Variants in RBFOX1 observed in about 807,000 individuals in gnomAD.
The protein encoded by RBFOX1 is RNA binding fox-1 homolog 1.
RBFOX1 carries 8 observed loss-of-function variants against 57.7 expected under a neutral mutation model. The ratio of observed to expected loss-of-function variants is 0.14; its 90% CI spans 0.08 to 0.25. The LOEUF (loss-of-function observed/expected upper bound fraction) is 0.25. Among genes scored for constraint, RBFOX1 ranks in the 10% least tolerant of loss-of-function variants. The pLI is 1.00. For synonymous variants in RBFOX1, 326 were observed against 222.4 expected, an observed-to-expected ratio of 1.47 and a Z score of -4.15; for missense variants, 611 against 548.5, an observed-to-expected ratio of 1.11 and a Z score of -1.14.
intron 3 of RBFOX1, among the ~76,000 whole-genome samples, chr16:6,926,897 A>C (rs1327259143): frequency 1.3e-5 from 2 of 152,124 alleles, no homozygotes; most frequent in African/African-American, 4.8e-5. Flanking sequence ...TTGTCCTAGC[A>C]GGTACTCCCT....
intron 1 of RBFOX1, among the ~76,000 whole-genome samples, chr16:5,286,511 A>G (rs1270332077): frequency 1.3e-5 from 2 of 152,156 alleles, no homozygotes; most frequent in East Asian, 3.9e-4. Context: ...TTTCTAGATA[A>G]AAGTATTTTT....
chr16:7,633,399 T>C (rs2061289956), intron 11 of RBFOX1, among the ~76,000 whole-genome samples: 1 of 152,230 alleles, frequency 6.6e-6, no homozygotes, highest in African/African-American at 2.4e-5. Flanking sequence ...TACCTGCACA[T>C]TATATGCCAT....
intron 1 of RBFOX1, among the ~76,000 whole-genome samples, chr16:6,133,747 C>T (rs1285380215): frequency 1.3e-5 from 2 of 152,112 alleles, no homozygotes; most frequent in African/African-American, 4.8e-5. Flanking sequence ...TTATTCCTTA[C>T]AGTTGCTGAA....
chr16:6,603,851 C>A (rs935073990), intron 2 of RBFOX1, among the ~76,000 whole-genome samples: 1 of 152,146 alleles, frequency 6.6e-6, no homozygotes, highest in Non-Finnish European at 1.5e-5. Context: ...GTCCATGTGA[C>A]CCCATTTGCC....
chr16:7,390,932 A>AT (rs978074462), intron 4 of RBFOX1, among the ~76,000 whole-genome samples: 8 of 151,848 alleles, frequency 5.3e-5, no homozygotes, highest in East Asian at 1.9e-4. Context: ...AGGGAGAAGG[A>AT]TTTTTTTTAC....
At chr16:5,799,256 T>C (rs2054981444) in intron 3 of RBFOX1, among the ~76,000 whole-genome samples, 2 of 152,214 alleles carry the variant, frequency 1.3e-5, no homozygotes, top group Admixed American at 1.3e-4. Context: ...ACTGCCCCCA[T>C]GACTCATTTA....
At chr16:5,460,127 GT>G in intron 1 of RBFOX1, among the ~76,000 whole-genome samples, 1 of 152,196 alleles carries the variant, frequency 6.6e-6, no homozygotes, top group South Asian at 2.1e-4. Context: ...AAGTCGGCAT[GT>G]TTTTAGTGTA....
chr16:7,712,191 G>T lies in RBFOX1; in HGVS notation c.*1446G>T, dbSNP rs576811621. 1 of 152,566 alleles carries T rather than the reference G, an allele frequency of 6.6e-6. No homozygotes were observed. The highest frequency in any genetic ancestry group is 6.5e-5 in the Admixed American group (1 of 15,276). 9.5% of individuals were successfully genotyped at this position (152,566 alleles called of 1,614,324 possible). ...TGTTTACAAGTTAACTTAAGTTGGG[G>T]TATCCGTCACGGGTCTTCCTGTTTT... On this transcript the variant is annotated 3_prime_UTR_variant, in exon 16 of 16. Coordinates refer to ENST00000550418, the MANE Select transcript of RBFOX1 (RefSeq NM_018723.4).
chr16:7,563,839 G>C (rs1455008607), intron 5 of RBFOX1, among the ~76,000 whole-genome samples: 4 of 152,128 alleles, frequency 2.6e-5, no homozygotes. Flanking sequence ...AGAAGAAAGA[G>C]TGCTTTTTGT....
chr16:7,025,268 G>A (rs770174338), intron 3 of RBFOX1, among the ~76,000 whole-genome samples: 1 of 152,130 alleles, frequency 6.6e-6, no homozygotes, highest in African/African-American at 2.4e-5. Flanking sequence ...TTGCCATGGT[G>A]TTTGGAAACT....
chr16:7,141,181 G>A (rs1423084799), intron 4 of RBFOX1, among the ~76,000 whole-genome samples: 4 of 152,308 alleles, frequency 2.6e-5, no homozygotes, highest in African/African-American at 7.2e-5. Context: ...GCAAGTAGGA[G>A]GATCCTGGGG....
At chr16:6,052,722 T>A (rs2095566469) in intron 1 of RBFOX1, among the ~76,000 whole-genome samples, 1 of 151,544 alleles carries the variant, frequency 6.6e-6, no homozygotes, top group South Asian at 2.1e-4. Flanking sequence ...AGGCGGAGCT[T>A]GCAGTGAGCC....
Position 5,813,950 on chromosome 16 carries a change from C to G in RBFOX1, c.319-53353C>G, listed in dbSNP as rs537652678. Among the ~76,000 whole-genome samples the G allele has an allele frequency of 3.3e-5, 5 of 152,286 alleles. No individual in the cohort carries two copies. In the South Asian group the frequency reaches 1.0e-3, roughly 32 times the overall value. ...TTATCGTAGGTGTTTAACTAACTTA[C>G]GTTATTATGGCAAAAACCACAATTA... On this transcript the variant is annotated intron_variant, in intron 3 of 19. Coordinates refer to the RBFOX1 transcript ENST00000641259.
In RBFOX1 at chr16:6,269,320, G is replaced by T. The variant is rs145746362; in HGVS notation, c.-126-47675G>T. On this transcript the variant is annotated intron_variant, in intron 1 of 15. Coordinates refer to ENST00000550418, the MANE Select transcript of RBFOX1 (RefSeq NM_018723.4). The stretch of plus-strand genomic sequence containing the variant: ...ATTTTTGGAATATTTTTGATGTGTG[G>T]TTGGTAGCATCTGTGGATATAGAAC... Among the ~76,000 whole-genome samples the T allele has an allele frequency of 2.2e-4, 34 of 152,044 alleles. No homozygotes were observed. The East Asian group carries it at 6.4e-3, about 28-fold the overall frequency.
At position 6,914,692 on chromosome 16, in the gene RBFOX1, A is replaced by T. The variant is rs7203269; in HGVS notation, c.-15-137365A>T. 7.9e-5 allele frequency among the ~76,000 whole-genome samples: 12 copies of T among 152,206 alleles called. No individual in the cohort carries two copies. The South Asian group carries it at 1.5e-3, about 18-fold the overall frequency. On this transcript the variant is annotated intron_variant, in intron 3 of 15. Coordinates refer to ENST00000550418, the MANE Select transcript of RBFOX1 (RefSeq NM_018723.4). ...AGTTCAAGATCAGCCTGGCCAACAT[A>T]GCAAGATCCCATCTGTACCAATAAG...
intron 3 of RBFOX1, among the ~76,000 whole-genome samples, chr16:7,005,243 A>G: frequency 6.6e-6 from 1 of 152,186 alleles, no homozygotes; most frequent in East Asian, 1.9e-4. Context: ...ATGAGTGCTA[A>G]TAGCTTTCCC....
chr16:7,227,458 A>C (rs1318523594), intron 4 of RBFOX1, among the ~76,000 whole-genome samples: 1 of 151,956 alleles, frequency 6.6e-6, no homozygotes, highest in Non-Finnish European at 1.5e-5. Flanking sequence ...AAGCACTTAA[A>C]AGTATGCGAT....
intron 2 of RBFOX1, among the ~76,000 whole-genome samples, chr16:6,632,561 T>C (rs1266614181): frequency 6.6e-6 from 1 of 152,164 alleles, no homozygotes; most frequent in Non-Finnish European, 1.5e-5. Context: ...TTTACCAATG[T>C]TGATGGATTT....
chr16:6,993,328 C>A (rs576276885), intron 3 of RBFOX1, among the ~76,000 whole-genome samples: 23 of 152,264 alleles, frequency 1.5e-4, no homozygotes, highest in Middle Eastern at 3.4e-3. Flanking sequence ...GATAACACAT[C>A]AGTAGTATTA....
Sources: allele counts gnomAD v4.1 joint callset (sites outside exome capture counted in the v4.1 genomes callset), GRCh38; gene constraint gnomAD v4.1.1; transcripts MANE v1.5; gene names NCBI Gene and HGNC (gene_info 2026-07-23, HGNC 2026-07-21).